Variants in SEMA6A observed in about 807,000 individuals in gnomAD.
SEMA6A encodes the protein semaphorin 6A.
Under a neutral mutation model 96.8 loss-of-function variants are expected in SEMA6A, and 25 were observed. That is an observed-to-expected ratio of 0.26 (90% CI 0.19 to 0.36). The LOEUF (loss-of-function observed/expected upper bound fraction) is 0.36, where lower values mean the gene tolerates loss of function less well. Ranked by LOEUF, SEMA6A falls within the 10% of genes least tolerant of loss-of-function variation. The probability of loss-of-function intolerance (pLI) is 1.00; values close to 1 mark genes in which losing one functional copy is unlikely to be tolerated. For synonymous variants in SEMA6A, 612 were observed against 518.0 expected, an observed-to-expected ratio of 1.18 and a Z score of -2.46; for missense variants, 1,363 against 1,323.1, an observed-to-expected ratio of 1.03 and a Z score of -0.47.
At chr5:116,513,767 C>T (rs1465490452) in intron 1 of SEMA6A, among the ~76,000 whole-genome samples, 2 of 152,118 alleles carry the variant, frequency 1.3e-5, no homozygotes, top group South Asian at 2.1e-4. Flanking sequence ...CTTCCCGATG[C>T]TCTCCCTCCT....
At chr5:116,522,050 G>GT (rs547873839) in intron 1 of SEMA6A, among the ~76,000 whole-genome samples, 177 of 152,268 alleles carry the variant, frequency 1.2e-3, no homozygotes, top group African/African-American at 4.0e-3. Context: ...AAAGGGGGCT[G>GT]TTTTTTGTTA....
chr5:116,539,211 C>T (rs1759857495), intron 1 of SEMA6A, among the ~76,000 whole-genome samples: 1 of 152,194 alleles, frequency 6.6e-6, no homozygotes, highest in Non-Finnish European at 1.5e-5. Flanking sequence ...CTGTGACGAT[C>T]TGGGCAAGCT....
intron 15 of SEMA6A, among the ~76,000 whole-genome samples, chr5:116,476,275 A>T (rs1056692434): frequency 5.3e-5 from 8 of 152,188 alleles, no homozygotes; most frequent in Non-Finnish European, 7.4e-5. Context: ...ATTTTAATAA[A>T]AGCTATTTTG....
chr5:116,552,046 A>T lies in SEMA6A; in HGVS notation c.-39+22139T>A, dbSNP rs561926590. Reference sequence around the variant, plus strand: ...CCTGAAGAAATGGTGACAAAGGAAAATACAGGCATGCCAATCACTACCCAC... The same window carrying T: ...CCTGAAGAAATGGTGACAAAGGAAATTACAGGCATGCCAATCACTACCCAC... On this transcript the variant is annotated intron_variant, in intron 1 of 18. Transcript: ENST00000343348. Among the ~76,000 whole-genome samples, 4 of 151,690 alleles carry T rather than the reference A, an allele frequency of 2.6e-5. No individual in the cohort carries two copies. The East Asian group carries it at 7.8e-4, about 30-fold the overall frequency.
At chr5:116,564,151 G>A (rs1204813214) in intron 1 of SEMA6A, among the ~76,000 whole-genome samples, 4 of 152,172 alleles carry the variant, frequency 2.6e-5, no homozygotes, top group South Asian at 2.1e-4. Context: ...AAATAGGCAC[G>A]TGCATTAAAA....
At chr5:116,509,354 C>CT (rs1421605306) in intron 1 of SEMA6A, among the ~76,000 whole-genome samples, 5 of 152,160 alleles carry the variant, frequency 3.3e-5, no homozygotes, top group Non-Finnish European at 7.3e-5. Context: ...TTCAGTAATT[C>CT]TTTTAAAAAG....
chr5:116,561,117 T>A (rs1379464084), intron 1 of SEMA6A, among the ~76,000 whole-genome samples: 3 of 152,338 alleles, frequency 2.0e-5, no homozygotes, highest in Non-Finnish European at 2.9e-5. Flanking sequence ...TTACTTGACC[T>A]CTTTGAACCT....
chr5:116,500,941 G>A (rs1379122834), intron 3 of SEMA6A, among the ~76,000 whole-genome samples: 2 of 152,156 alleles, frequency 1.3e-5, no homozygotes, highest in African/African-American at 2.4e-5. Context: ...TGGTGCGGGG[G>A]AGGAGGTTGC....
chr5:116,500,768 G>A (rs1459509104), intron 3 of SEMA6A, among the ~76,000 whole-genome samples: 3 of 152,156 alleles, frequency 2.0e-5, no homozygotes, highest in Non-Finnish European at 4.4e-5. Context: ...ACTTTGAGAG[G>A]TCGAGGCGGG....
chr5:116,509,009 C>A (rs1009082111), intron 1 of SEMA6A, among the ~76,000 whole-genome samples: 10 of 152,214 alleles, frequency 6.6e-5, no homozygotes, highest in Non-Finnish European at 1.0e-4. Flanking sequence ...AATTAATGAA[C>A]ACTGCTTGTT....
At chr5:116,453,785 G>C (rs112239712) in intron 18 of SEMA6A, among the ~76,000 whole-genome samples, 7,201 of 152,210 alleles carry the variant, frequency 0.047, 200 homozygotes, top group South Asian at 0.07. Flanking sequence ...TATTATTACT[G>C]TTTTTAAAAT....
intron 6 of SEMA6A, among the ~76,000 whole-genome samples, chr5:116,494,018 C>T (rs1757458435): frequency 6.6e-6 from 1 of 152,178 alleles, no homozygotes; most frequent in Admixed American, 6.6e-5. Context: ...CAGCCCCATC[C>T]ATCTACTCGC....
chr5:116,493,387 A>G (rs1757427687), intron 6 of SEMA6A, among the ~76,000 whole-genome samples: 1 of 152,192 alleles, frequency 6.6e-6, no homozygotes, highest in South Asian at 2.1e-4. Context: ...AGCTAGAGTA[A>G]ATGCTGGGCT....
In SEMA6A at chr5:116,447,575, C is replaced by T; in HGVS notation, c.2131G>A (p.Asp711Asn). The change falls in exon 19 of 19, where the codon GAC becomes AAC. Residue 711 changes from aspartate (D) to asparagine (N), a missense_variant. Physicochemically the swap from Asp to Asn is conservative, Grantham distance 23. Around this residue, in one of 2 missense-constraint regions of SEMA6A, gnomAD observed 883 missense variants for 763.6 expected, o/e 1.16. Coordinates refer to ENST00000343348, the MANE Select transcript of SEMA6A (RefSeq NM_020796.5). Reference sequence around the variant, plus strand: ...GGCTTTGGGTCTTTGGATTGAGTGTCCCCAAAGAGGCCGCTGAGCTTGGTG... The same window carrying T: ...GGCTTTGGGTCTTTGGATTGAGTGTTCCCAAAGAGGCCGCTGAGCTTGGTG... ...SVTKLSGLFG[D>N]TQSKDPKPEA... The T allele has an allele frequency of 1.2e-6, 2 of 1,614,064 alleles. No individual in the cohort carries two copies. Among genetic ancestry groups the T allele is most frequent in the Non-Finnish European group, 1.7e-6 (2 of 1,179,908 alleles).
rs1754023263 is a variant in SEMA6A at position 116,443,607 on chromosome 5, T to A, written c.*3006A>T. 6.5e-6 allele frequency: 1 copy of A among 152,696 alleles called. No individual in the cohort carries two copies. 9.5% of individuals were successfully genotyped at this position (152,696 alleles called of 1,614,324 possible). ...TTTTAAGTAATAAAGAGCCTTTTCC[T>A]TGCTTTTCTTTTTTCCCTTTTTTTC... On this transcript the variant is annotated 3_prime_UTR_variant, in exon 19 of 19. Transcript: ENST00000343348.
intron 9 of SEMA6A, among the ~76,000 whole-genome samples, chr5:116,487,741 G>A (rs989981360): frequency 2.6e-5 from 4 of 152,114 alleles, no homozygotes; most frequent in Non-Finnish European, 5.9e-5. Flanking sequence ...GCGCATGCCT[G>A]TAATCCCAGC....
At chr5:116,477,644 G>A (rs1194266678) in intron 15 of SEMA6A, among the ~76,000 whole-genome samples, 1 of 152,208 alleles carries the variant, frequency 6.6e-6, no homozygotes, top group African/African-American at 2.4e-5. Flanking sequence ...GTCCGAGGAT[G>A]ATTAATCAAT....
chr5:116,468,100 A>G (rs1755885744), intron 17 of SEMA6A: 1 of 223,526 alleles, frequency 4.5e-6, no homozygotes, highest in African/African-American at 2.3e-5. Flanking sequence ...CATCTTGCAC[A>G]GTGTCTGACA....
chr5:116,538,046 A>G (rs764793376), intron 1 of SEMA6A, among the ~76,000 whole-genome samples: 2 of 152,176 alleles, frequency 1.3e-5, no homozygotes, highest in Non-Finnish European at 2.9e-5. Context: ...GTGGTGGCGC[A>G]TGCCTGTAAT....
Sources: allele counts gnomAD v4.1 joint callset (sites outside exome capture counted in the v4.1 genomes callset), GRCh38; gene constraint gnomAD v4.1.1; regional missense constraint gnomAD v4.1.1; transcripts MANE v1.5; gene names NCBI Gene and HGNC (gene_info 2026-07-23, HGNC 2026-07-21).